Variants in MAST4 observed in about 807,000 individuals in gnomAD.
The protein encoded by MAST4 is microtubule-associated serine/threonine-protein kinase 4.
MAST4 carries 89 observed loss-of-function variants against 162.7 expected under a neutral mutation model. That is an observed-to-expected ratio of 0.55 (90% CI 0.46 to 0.65). The LOEUF (loss-of-function observed/expected upper bound fraction) is 0.65. Ranked by LOEUF, MAST4 falls within the 30% of genes least tolerant of loss-of-function variation. MAST4 has a pLI of 0.00. For missense variants in MAST4, 3,153 were observed against 3,374.0 expected (o/e 0.93, Z 1.62); for synonymous variants, 1,479 against 1,361.1 (o/e 1.09, Z -1.91).
intron 1 of MAST4, among the ~76,000 whole-genome samples, chr5:66,653,929 G>A (rs1746386698): frequency 6.6e-6 from 1 of 152,078 alleles, no homozygotes; most frequent in South Asian, 2.1e-4. Flanking sequence ...TTAGAGCCTG[G>A]CATAGTGCTG....
At chr5:66,865,670 T>A (rs1393999397) in intron 3 of MAST4, among the ~76,000 whole-genome samples, 1 of 152,230 alleles carries the variant, frequency 6.6e-6, no homozygotes, top group Non-Finnish European at 1.5e-5. Flanking sequence ...GCATTTATAA[T>A]GAGCTCCCTA....
rs1012483850 is a variant in MAST4, at chr5:66,899,933, T to C, written c.643-18T>C. The C allele has an allele frequency of 2.0e-6, 3 of 1,494,538 alleles. No individual in the cohort carries two copies. Among genetic ancestry groups the C allele is most frequent in the South Asian group, 1.3e-5 (1 of 74,688 alleles). The allele number at this position is 1,494,538 out of a possible 1,614,324, so 92.6% of individuals were successfully genotyped here. A position where few individuals can be genotyped will look rare whatever the true frequency, so the allele number is the denominator to read the frequency against. Reference sequence around the variant, plus strand: ...TTAATGCAGCATTGCTTATATATGGTTTTTTTTTCTTTTGCAGAAGGAGCT... The same window carrying C: ...TTAATGCAGCATTGCTTATATATGGCTTTTTTTTCTTTTGCAGAAGGAGCT... On this transcript the variant is annotated intron_variant, in intron 3 of 28. Coordinates refer to ENST00000403625, the MANE Select transcript of MAST4 (RefSeq NM_001164664.2).
Position 66,788,803 on chromosome 5 carries a change from C to T in MAST4, c.642+9C>T. ...CGCTCACCGCCAGCCTGGTGAGTGTCCGCGGGCGCCGGTGGAGGCTGCTCC... is the reference window on the plus strand; with the variant it reads ...CGCTCACCGCCAGCCTGGTGAGTGTTCGCGGGCGCCGGTGGAGGCTGCTCC... On this transcript the variant is annotated intron_variant, in intron 3 of 28. Transcript: ENST00000403625. 1 of 1,551,966 alleles carries T rather than the reference C, an allele frequency of 6.4e-7. No individual in the cohort carries two copies. The highest frequency in any genetic ancestry group is 1.4e-5 in the African/African-American group (1 of 72,588).
chr5:66,914,343 C>G (rs1561440445), intron 4 of MAST4, among the ~76,000 whole-genome samples: 1 of 152,106 alleles, frequency 6.6e-6, no homozygotes, highest in African/African-American at 2.4e-5. Flanking sequence ...AAGGACCAGG[C>G]TGGGGAGATT....
intron 1 of MAST4, among the ~76,000 whole-genome samples, chr5:66,616,691 C>G (rs1486930832): frequency 6.6e-6 from 1 of 152,198 alleles, no homozygotes; most frequent in Non-Finnish European, 1.5e-5. Context: ...TGGCCGGGGC[C>G]TCTGTGTGAA....
intron 4 of MAST4, among the ~76,000 whole-genome samples, chr5:66,911,560 C>A (rs1169848958): frequency 5.0e-3 from 25 of 4,972 alleles, no homozygotes; most frequent in East Asian, 9.6e-3. Context: ...CAACAACAAC[C>A]CCCCCCCCCC....
At chr5:66,798,567 G>A (rs1475250435) in intron 3 of MAST4, among the ~76,000 whole-genome samples, 1 of 152,116 alleles carries the variant, frequency 6.6e-6, no homozygotes, top group Non-Finnish European at 1.5e-5. Context: ...TTCTTCTCTG[G>A]ATGGCGTATG....
chr5:66,846,175 A>G (rs1758841297), intron 3 of MAST4, among the ~76,000 whole-genome samples: 1 of 152,168 alleles, frequency 6.6e-6, no homozygotes, highest in South Asian at 2.1e-4. Context: ...CCGCATTCTT[A>G]ATGGTCTTAC....
intron 1 of MAST4, among the ~76,000 whole-genome samples, chr5:66,604,037 A>G (rs1459010949): frequency 6.6e-6 from 1 of 152,162 alleles, no homozygotes; most frequent in Admixed American, 6.5e-5. Context: ...CCTGGTTCAG[A>G]ATTCCTAGGA....
At chr5:66,843,052 T>C (rs1758538162) in intron 3 of MAST4, among the ~76,000 whole-genome samples, 1 of 152,178 alleles carries the variant, frequency 6.6e-6, no homozygotes, top group African/African-American at 2.4e-5. Flanking sequence ...CATTTACATA[T>C]ACACCTTTGC....
intron 4 of MAST4, among the ~76,000 whole-genome samples, chr5:67,015,874 AAACCTGAT>A (rs1022755668): frequency 6.6e-6 from 1 of 152,218 alleles, no homozygotes; most frequent in Non-Finnish European, 1.5e-5. Flanking sequence ...TCACTCTCTG[AAACCTGAT>A]AACCTGATAA....
At chr5:66,911,764 G>T (rs1225436333) in intron 4 of MAST4, among the ~76,000 whole-genome samples, 1 of 151,870 alleles carries the variant, frequency 6.6e-6, no homozygotes, top group Non-Finnish European at 1.5e-5. Context: ...GAATTTAAAC[G>T]TGTATTATAG....
At chr5:66,942,651 G>T (rs114738947) in intron 4 of MAST4, among the ~76,000 whole-genome samples, 1 of 152,046 alleles carries the variant, frequency 6.6e-6, no homozygotes, top group African/African-American at 2.4e-5. Context: ...TTGATTATTG[G>T]CATACATGTG....
chr5:67,015,339 G>A (rs1362600014), intron 4 of MAST4, among the ~76,000 whole-genome samples: 1 of 152,160 alleles, frequency 6.6e-6, no homozygotes, highest in Non-Finnish European at 1.5e-5. Flanking sequence ...ATTCTTATAG[G>A]TGTGTCCAGC....
At chr5:67,078,448 T>TG (rs1761944829) in intron 5 of MAST4, among the ~76,000 whole-genome samples, 1 of 151,118 alleles carries the variant, frequency 6.6e-6, no homozygotes, top group Non-Finnish European at 1.5e-5. Flanking sequence ...CATTAAAAGA[T>TG]GCTCAGCTTC....
chr5:67,008,368 T>C (rs1301269986), intron 4 of MAST4, among the ~76,000 whole-genome samples: 1 of 152,234 alleles, frequency 6.6e-6, no homozygotes, highest in Non-Finnish European at 1.5e-5. Flanking sequence ...CTGCTTATGT[T>C]TATAGCATCT....
At chr5:66,662,677 T>C (rs1746986654) in intron 1 of MAST4, 1 of 152,164 alleles carries the variant, frequency 6.6e-6, no homozygotes, top group Non-Finnish European at 1.5e-5. Flanking sequence ...CTTCCATCTG[T>C]TTAAAGATAA....
chr5:66,611,638 A>G (rs970999675), intron 1 of MAST4, among the ~76,000 whole-genome samples: 2 of 152,214 alleles, frequency 1.3e-5, no homozygotes, highest in African/African-American at 4.8e-5. Flanking sequence ...GGTTTTAAAA[A>G]ATGATAAAGA....
intron 10 of MAST4, among the ~76,000 whole-genome samples, chr5:67,106,751 A>G (rs1005356033): frequency 1.3e-5 from 2 of 152,190 alleles, no homozygotes; most frequent in Non-Finnish European, 2.9e-5. Context: ...GCATTTAGCC[A>G]TAATGAATTG....
Sources: gnomAD v4.1 joint callset for allele counts (sites outside exome capture counted in the v4.1 genomes callset) on GRCh38, gnomAD v4.1.1 for gene constraint, MANE v1.5 for transcripts, NCBI Gene and HGNC (gene_info 2026-07-23, HGNC 2026-07-21) for gene names.